Variants in XIRP2 observed in about 807,000 individuals in gnomAD.
XIRP2 encodes the protein xin actin-binding repeat-containing protein 2.
Under a neutral mutation model 277.0 loss-of-function variants are expected in XIRP2, and 236 were observed. The observed-to-expected ratio is 0.85, with a 90% confidence interval of 0.77 to 0.95. XIRP2 has a LOEUF of 0.95. Among genes scored for constraint, XIRP2 ranks in the 40% least tolerant of loss-of-function variants. The probability of loss-of-function intolerance (pLI) is 0.00; values close to 1 mark genes in which losing one functional copy is unlikely to be tolerated. For missense variants in XIRP2, 4,640 were observed against 4,157.5 expected (o/e 1.12, Z -3.19); for synonymous variants, 1,490 against 1,416.5 (o/e 1.05, Z -1.17).
chr2:167,077,609 A>C (rs1487009037), intron 2 of XIRP2, among the ~76,000 whole-genome samples: 1 of 152,214 alleles, frequency 6.6e-6, no homozygotes. Flanking sequence ...AGGTCACTGA[A>C]ACATCTGAGT....
intron 9 of XIRP2, among the ~76,000 whole-genome samples, chr2:167,252,596 G>A (rs1404135293): frequency 3.3e-5 from 5 of 151,810 alleles, no homozygotes; most frequent in Admixed American, 1.3e-4. Context: ...TCACAAATGA[G>A]CGTAAACAAT....
At chr2:166,921,349 T>C (rs1685033543) in intron 2 of XIRP2, among the ~76,000 whole-genome samples, 1 of 152,114 alleles carries the variant, frequency 6.6e-6, no homozygotes, top group East Asian at 1.9e-4. Flanking sequence ...AGAATTCTTA[T>C]GGCTTCATAT....
intron 2 of XIRP2, among the ~76,000 whole-genome samples, chr2:167,096,255 C>T (rs1690315197): frequency 6.6e-6 from 1 of 152,020 alleles, no homozygotes; most frequent in South Asian, 2.1e-4. Context: ...AGGGATTTGA[C>T]TTCTTCTTGG....
chr2:167,241,617 C>T (rs1695068482), intron 7 of XIRP2, among the ~76,000 whole-genome samples, 160 bp from the exon 8 acceptor site: 1 of 151,890 alleles, frequency 6.6e-6, no homozygotes, highest in Non-Finnish European at 1.5e-5. Context: ...GCTATGTTGC[C>T]CAGGCTGGTC....
rs369556254 is a variant in XIRP2, at chr2:167,212,131, C to A, written c.723+1236C>A. 3.3e-5 allele frequency among the ~76,000 whole-genome samples: 5 copies of A among 152,290 alleles called. No individual in the cohort carries two copies. The East Asian group carries it at 5.8e-4, about 18-fold the overall frequency. On this transcript the variant is annotated intron_variant, in intron 4 of 10. Transcript: ENST00000409195. ...AGGTTTTCACATAGTCATTAAAATA[C>A]ATTTTAGACACAGCTTAGATTTGGA... is the stretch of plus-strand genomic sequence containing the variant.
chr2:167,086,649 T>C (rs1689954032), intron 2 of XIRP2, among the ~76,000 whole-genome samples: 1 of 152,064 alleles, frequency 6.6e-6, no homozygotes, highest in African/African-American at 2.4e-5. Flanking sequence ...TTTCTTTTTA[T>C]TGTTTTTTCT....
At chr2:167,036,414 C>A (rs764275649) in intron 2 of XIRP2, among the ~76,000 whole-genome samples, 1 of 152,134 alleles carries the variant, frequency 6.6e-6, no homozygotes, top group African/African-American at 2.4e-5. Flanking sequence ...CATTTTGGAG[C>A]TTTAAAATTT....
At chr2:167,085,308 G>T (rs1285413281) in intron 2 of XIRP2, among the ~76,000 whole-genome samples, 16 of 151,622 alleles carry the variant, frequency 1.1e-4, no homozygotes, top group South Asian at 2.1e-4. Context: ...GTCTGAGAGA[G>T]AGTTTGTTAT....
At chr2:166,920,011 T>C (rs1198699811) in intron 2 of XIRP2, among the ~76,000 whole-genome samples, 1 of 152,118 alleles carries the variant, frequency 6.6e-6, no homozygotes, top group African/African-American at 2.4e-5. Context: ...AGCTGTAGCC[T>C]TTTTTATAGG....
intron 2 of XIRP2, among the ~76,000 whole-genome samples, chr2:166,932,623 G>A (rs748493329): frequency 1.3e-4 from 19 of 151,866 alleles, no homozygotes; most frequent in African/African-American, 2.9e-4. Context: ...TGCTTACTCC[G>A]GTATTATAAT....
At chr2:167,108,295 CT>C (rs796608441) in intron 2 of XIRP2, among the ~76,000 whole-genome samples, 6 of 151,804 alleles carry the variant, frequency 4.0e-5, no homozygotes, top group Admixed American at 3.9e-4. Flanking sequence ...AATGAACTAG[CT>C]TTTTTGTTTC....
intron 2 of XIRP2, among the ~76,000 whole-genome samples, chr2:166,957,933 T>G (rs922507250): frequency 6.6e-6 from 1 of 151,890 alleles, no homozygotes; most frequent in African/African-American, 2.4e-5. Context: ...TCCTGTGGTA[T>G]CTTACATCCT....
At chr2:166,929,240 A>G (rs1685265645) in intron 2 of XIRP2, among the ~76,000 whole-genome samples, 1 of 152,044 alleles carries the variant, frequency 6.6e-6, no homozygotes, top group African/African-American at 2.4e-5. Flanking sequence ...ATAATCCTGA[A>G]CTTAGACCAG....
intron 2 of XIRP2, among the ~76,000 whole-genome samples, chr2:167,084,006 C>T (rs1437439139): frequency 6.6e-6 from 1 of 151,472 alleles, no homozygotes; most frequent in African/African-American, 2.4e-5. Flanking sequence ...AGAGGGCATC[C>T]CTGTCTTGTG....
intron 3 of XIRP2, among the ~76,000 whole-genome samples, chr2:167,176,557 C>T (rs1032262373): frequency 2.0e-5 from 3 of 152,252 alleles, no homozygotes; most frequent in Non-Finnish European, 2.9e-5. Context: ...TGGTAGGTCA[C>T]GTGTTCTTGC....
intron 3 of XIRP2, among the ~76,000 whole-genome samples, chr2:167,169,414 A>G (rs1692620351): frequency 1.3e-5 from 2 of 152,166 alleles, no homozygotes; most frequent in Admixed American, 6.5e-5. Context: ...AGTACAGTTC[A>G]CTTTTGCCTT....
At chr2:167,155,763 A>T (rs1692176216) in intron 3 of XIRP2, among the ~76,000 whole-genome samples, 1 of 151,804 alleles carries the variant, frequency 6.6e-6, no homozygotes, top group African/African-American at 2.4e-5. Flanking sequence ...TAGGCAGGAG[A>T]AGGAAATAAA....
intron 3 of XIRP2, among the ~76,000 whole-genome samples, chr2:167,165,289 G>A (rs1360726596): frequency 6.6e-6 from 1 of 152,168 alleles, no homozygotes; most frequent in African/African-American, 2.4e-5. Context: ...GCAATCATAT[G>A]TAAACCTGCT....
At chr2:167,253,242 T>C (rs1051386317) in intron 9 of XIRP2, among the ~76,000 whole-genome samples, 1 of 151,944 alleles carries the variant, frequency 6.6e-6, no homozygotes, top group Admixed American at 6.6e-5. Context: ...ATACAAACAC[T>C]GGTTAGTAAT....
Sources: gnomAD v4.1 joint callset for allele counts (sites outside exome capture counted in the v4.1 genomes callset) on GRCh38, gnomAD v4.1.1 for gene constraint, MANE v1.5 for transcripts, NCBI Gene and HGNC (gene_info 2026-07-23, HGNC 2026-07-21) for gene names.